Variants in CELF2 observed in about 807,000 individuals in gnomAD.
CELF2 encodes CUGBP Elav-like family member 2.
In CELF2, 8 loss-of-function variants were observed where a neutral mutation model predicts 62.6. The observed-to-expected ratio is 0.13, with a 90% CI of 0.07 to 0.23. The LOEUF (loss-of-function observed/expected upper bound fraction) is 0.23. Among genes scored for constraint, CELF2 ranks in the 10% least tolerant of loss-of-function variants. CELF2 has a pLI of 1.00. For missense variants in CELF2, 333 were observed against 671.0 expected, an observed-to-expected ratio of 0.50 and a Z score of 5.56; for synonymous variants, 258 against 250.0, an observed-to-expected ratio of 1.03 and a Z score of -0.30.
chr10:10,576,566 A>C, the CELF2 span, among the ~76,000 whole-genome samples: 3 of 152,112 alleles, frequency 2.0e-5, no homozygotes, highest in African/African-American at 7.2e-5. Flanking sequence ...CTTTTGTGCA[A>C]TTGCCTTAAT....
chr10:11,015,894 A>C (rs1057504783), upstream of CELF2, among the ~76,000 whole-genome samples: 4 of 152,194 alleles, frequency 2.6e-5, no homozygotes, highest in African/African-American at 9.7e-5. This position sits in a 1 kb window ranked among gnomAD's most constrained non-coding sequence, Gnocchi z 4.8. Context: ...TCAGAAGCGT[A>C]CATGTTAATG....
chr10:11,199,097 T>G (rs1360642675), intron 2 of CELF2, among the ~76,000 whole-genome samples: 2 of 152,088 alleles, frequency 1.3e-5, no homozygotes, highest in Non-Finnish European at 2.9e-5. Context: ...TGGCATACAA[T>G]TGTATGACTG....
rs988308538 is a variant in CELF2, at chr10:11,147,444, T to A, written c.75-18042T>A. Among the ~76,000 whole-genome samples, 6 of 152,198 alleles carry A rather than the reference T, an allele frequency of 3.9e-5. No individual in the cohort carries two copies. In the South Asian group the frequency reaches 8.3e-4, roughly 21 times the overall value. On this transcript the variant is annotated intron_variant, in intron 1 of 12. Transcript: ENST00000633077. ...TGTTAGATTTAGAGGTAGAAGTAATTAAAAACCAAAGCTACTTCCCTCCTT... is the reference window on the plus strand; with the variant it reads ...TGTTAGATTTAGAGGTAGAAGTAATAAAAAACCAAAGCTACTTCCCTCCTT...
chr10:11,149,485 C>T (rs2062905026), intron 1 of CELF2, among the ~76,000 whole-genome samples: 1 of 152,210 alleles, frequency 6.6e-6, no homozygotes, highest in Admixed American at 6.5e-5. Flanking sequence ...GAAAATTCCT[C>T]AGGAACGAAT....
chr10:11,063,645 C>T (rs1019872210), intron 1 of CELF2, among the ~76,000 whole-genome samples: 1 of 152,148 alleles, frequency 6.6e-6, no homozygotes, highest in Non-Finnish European at 1.5e-5. Flanking sequence ...AAGTGTTACA[C>T]AAATGTGGCA....
At chr10:10,541,785 G>A in the CELF2 span, among the ~76,000 whole-genome samples, 2 of 152,202 alleles carry the variant, frequency 1.3e-5, no homozygotes, top group South Asian at 2.1e-4. Context: ...TGTTTTATCA[G>A]CAAGGTCTTG....
At chr10:10,676,054 A>G in the CELF2 span, among the ~76,000 whole-genome samples, 13 of 152,160 alleles carry the variant, frequency 8.5e-5, no homozygotes, top group Non-Finnish European at 1.8e-4. Context: ...GGGAAGAGGA[A>G]CTGCTGGTGG....
At chr10:10,702,874 G>A in the CELF2 span, among the ~76,000 whole-genome samples, 4 of 152,174 alleles carry the variant, frequency 2.6e-5, no homozygotes, top group African/African-American at 4.8e-5. Flanking sequence ...ATAAGCCATC[G>A]TGCCCAACCC....
chr10:10,517,212 C>T, the CELF2 span, among the ~76,000 whole-genome samples: 2 of 152,114 alleles, frequency 1.3e-5, no homozygotes, highest in East Asian at 1.9e-4. Flanking sequence ...TGCATTCAAT[C>T]GCTATAGCTT....
rs545232908 is a variant in CELF2, at chr10:11,159,643, CAACACCAAAATG to C, written c.75-5838_75-5827del. On this transcript the variant is annotated intron_variant, in intron 1 of 12. Transcript: ENST00000633077. This position sits in a 1 kb window ranked among gnomAD's most constrained non-coding sequence, Gnocchi z 5.0. ...AGAGATTTCTCTTCTTAAATAATGGCAACACCAAAATGAACAATGTAGAGATTGTTAATATTA... is the reference window on the plus strand; with the variant it reads ...AGAGATTTCTCTTCTTAAATAATGGCAACAATGTAGAGATTGTTAATATTA... Among the ~76,000 whole-genome samples, 29 of 152,288 alleles carry C rather than the reference CAACACCAAAATG, an allele frequency of 1.9e-4. No individual in the cohort carries two copies. The East Asian group carries it at 3.9e-3, about 20-fold the overall frequency.
chr10:10,858,542 G>A (rs576964219), intron 1 of CELF2, among the ~76,000 whole-genome samples: 40 of 152,050 alleles, frequency 2.6e-4, no homozygotes, highest in African/African-American at 8.4e-4. Context: ...CCCATCACAC[G>A]CTATATTCTT....
At chr10:10,556,668 G>A in the CELF2 span, among the ~76,000 whole-genome samples, 21 of 151,874 alleles carry the variant, frequency 1.4e-4, no homozygotes, top group East Asian at 3.9e-4. Flanking sequence ...AAGTGTTCCT[G>A]TTTCTCCACA....
chr10:10,685,759 G>A, the CELF2 span, among the ~76,000 whole-genome samples: 45 of 152,300 alleles, frequency 3.0e-4, no homozygotes, highest in African/African-American at 1.1e-3. Flanking sequence ...GAAAGAGTCT[G>A]TTTTCTAAGT....
chr10:10,890,736 TG>T (rs1334490715), intron 1 of CELF2, among the ~76,000 whole-genome samples: 1 of 152,198 alleles, frequency 6.6e-6, no homozygotes, highest in Non-Finnish European at 1.5e-5. Flanking sequence ...CAGCATAGGC[TG>T]GGCGCTGTGG....
chr10:11,132,741 GT>G (rs2059804682), intron 1 of CELF2, among the ~76,000 whole-genome samples: 1 of 152,172 alleles, frequency 6.6e-6, no homozygotes, highest in African/African-American at 2.4e-5. Context: ...GTGACACAGT[GT>G]TACATAATCA....
chr10:10,809,195 T>TCTCTGCCTCCCTCTC (rs2055577272), intron 1 of CELF2, among the ~76,000 whole-genome samples: 1 of 151,578 alleles, frequency 6.6e-6, no homozygotes, highest in Non-Finnish European at 1.5e-5. Context: ...GCCTCCCTCT[T>TCTCTGCCTCCCTCTC]TCTCTCTCTT....
At chr10:10,869,592 G>A (rs1204794903) in intron 1 of CELF2, among the ~76,000 whole-genome samples, 2 of 151,884 alleles carry the variant, frequency 1.3e-5, no homozygotes, top group Non-Finnish European at 2.9e-5. Context: ...AACAACAAAT[G>A]TCCTGCATAT....
chr10:10,724,998 A>T, the CELF2 span, among the ~76,000 whole-genome samples: 4 of 152,338 alleles, frequency 2.6e-5, no homozygotes, highest in South Asian at 8.3e-4. Flanking sequence ...CATTCTGATT[A>T]GTATAACCAC....
chr10:11,163,041 C>T (rs1187387081), intron 1 of CELF2, among the ~76,000 whole-genome samples: 1 of 152,218 alleles, frequency 6.6e-6, no homozygotes, highest in Non-Finnish European at 1.5e-5. Context: ...ACACCAGCCA[C>T]ATACAGGCCA....
Sources: gnomAD v4.1 joint callset for allele counts (sites outside exome capture counted in the v4.1 genomes callset) on GRCh38, gnomAD v4.1.1 for gene constraint, Gnocchi (gnomAD v3.1) non-coding constraint, MANE v1.5 for transcripts, NCBI Gene and HGNC (gene_info 2026-07-23, HGNC 2026-07-21) for gene names.